The following EIF1AX variants were observed in gnomAD, a reference collection of about 807,000 sequenced individuals.
EIF1AX encodes eukaryotic translation initiation factor 1A X-linked.
Under a neutral mutation model 16.1 loss-of-function variants are expected in EIF1AX, and 1 was observed. That is an observed-to-expected ratio of 0.06 (90% CI 0.02 to 0.30). EIF1AX has a LOEUF of 0.30. EIF1AX is among the 10% of genes least tolerant of loss of function. EIF1AX has a pLI of 1.00. For missense variants in EIF1AX, 11 were observed against 109.1 expected (o/e 0.10, Z 4.00); for synonymous variants, 32 against 37.3 (o/e 0.86, Z 0.51).
intron 2 of EIF1AX, among the ~76,000 whole-genome samples, chrX:20,138,309 A>G (rs1320751961): frequency 9.1e-6 from 1 of 109,801 alleles, no homozygotes; most frequent in Non-Finnish European, 1.9e-5. Flanking sequence ...AGCCTAAAAA[A>G]ATTTTTAAAA....
intron 1 of EIF1AX, chrX:20,140,119 G>A (rs2067029558): frequency 8.9e-6 from 1 of 112,331 alleles, no homozygotes; most frequent in Admixed American, 9.4e-5. Flanking sequence ...GAAATTCCCA[G>A]AGAGGCTCTT....
chrX:20,128,782 T>C (rs1367369313), intron 6 of EIF1AX, among the ~76,000 whole-genome samples: 1 of 111,764 alleles, frequency 8.9e-6, no homozygotes, highest in East Asian at 2.8e-4. Flanking sequence ...CCATCCCTTT[T>C]CCAGCCAGCC....
intron 2 of EIF1AX, 140 bp from the exon 3 acceptor site, chrX:20,135,981 A>G: frequency 2.2e-6 from 1 of 458,611 alleles, no homozygotes; most frequent in Non-Finnish European, 3.9e-6. Context: ...AAACAAACAT[A>G]AGGGAGTGAT....
rs2066983253 is a variant in EIF1AX at position 20,125,707 on chromosome X, TATGGAAG to T, written c.*2592_*2598del. ...ATCAATAATGACAGCAGTTTATACC[TATGGAAG>T]ATGTTACTGAACATCATAATCTAAT... On this transcript the variant is annotated 3_prime_UTR_variant, in exon 7 of 7. Transcript: ENST00000379607. The T allele has an allele frequency of 1.2e-5, 2 of 160,845 alleles. No homozygotes were observed. Among genetic ancestry groups the T allele is most frequent in the Admixed American group, 1.6e-4 (2 of 12,175 alleles). 13.3% of individuals were successfully genotyped at this position (160,845 alleles called of 1,213,427 possible).
intron 1 of EIF1AX, among the ~76,000 whole-genome samples, chrX:20,139,167 T>C (rs766623632): frequency 2.7e-5 from 3 of 111,871 alleles, no homozygotes; most frequent in Non-Finnish European, 3.8e-5. Context: ...GAGGATCACT[T>C]GAGCAAGCCC....
intron 2 of EIF1AX, among the ~76,000 whole-genome samples, chrX:20,138,170 A>G (rs1428932064): frequency 9.3e-6 from 1 of 107,677 alleles, no homozygotes; most frequent in African/African-American, 3.4e-5. Flanking sequence ...ACACCCAGCT[A>G]ATTTTTGTAA....
intron 3 of EIF1AX, among the ~76,000 whole-genome samples, 155 bp from the exon 4 acceptor site, chrX:20,134,162 G>A (rs545772553): frequency 8.5e-4 from 95 of 112,237 alleles, no homozygotes; most frequent in African/African-American, 2.8e-3. Flanking sequence ...CAAGGTGGGC[G>A]GATCACCTGA....
intron 3 of EIF1AX, among the ~76,000 whole-genome samples, chrX:20,134,920 C>T (rs753592808): frequency 2.7e-5 from 3 of 111,598 alleles, no homozygotes; most frequent in African/African-American, 6.5e-5. Context: ...AGTCCATTCA[C>T]GATGACATTC....
At chrX:20,141,045 A>G (rs2067032396) in intron 1 of EIF1AX, among the ~76,000 whole-genome samples, 2 of 111,533 alleles carry the variant, frequency 1.8e-5, no homozygotes, top group African/African-American at 6.5e-5. Flanking sequence ...TCAGCAAACA[A>G]ACATAAGCTA....
Position 20,130,035 on chromosome X carries a change from C to T in EIF1AX, c.429+481G>A, listed in dbSNP as rs2066996398. 3.6e-5 allele frequency among the ~76,000 whole-genome samples: 4 copies of T among 111,137 alleles called. No individual in the cohort carries two copies. The South Asian group carries it at 1.5e-3, about 43-fold the overall frequency. On this transcript the variant is annotated intron_variant, in intron 6 of 6. Transcript: ENST00000379607. The stretch of plus-strand genomic sequence containing the variant: ...CTCAAAATAGGGCCGGGCATGGTGG[C>T]TCACGCCTGCAACCCCAGCACTTTG...
At chrX:20,138,090 C>T (rs1198431271) in intron 2 of EIF1AX, among the ~76,000 whole-genome samples, 5 of 99,791 alleles carry the variant, frequency 5.0e-5, no homozygotes, top group Non-Finnish European at 1.0e-4. Context: ...CTGCAACCTC[C>T]GCCTCCCAGG....
At chrX:20,130,485 A>C in intron 6 of EIF1AX, 31 bp downstream of exon 6, 1 of 1,157,306 alleles carries the variant, frequency 8.6e-7, no homozygotes, top group Non-Finnish European at 1.1e-6. Flanking sequence ...ATAATAACAA[A>C]AATTGGAAAA....
chrX:20,137,050 C>T (rs570393091), intron 2 of EIF1AX, among the ~76,000 whole-genome samples: 10 of 111,534 alleles, frequency 9.0e-5, no homozygotes, highest in South Asian at 3.7e-4. Context: ...TGATAATTCT[C>T]TTCTAGTTAT....
intron 2 of EIF1AX, among the ~76,000 whole-genome samples, chrX:20,137,778 T>C (rs1235885278): frequency 9.0e-6 from 1 of 111,142 alleles, no homozygotes; most frequent in African/African-American, 3.3e-5. Context: ...ATGTCCATGG[T>C]CTACTCAACA....
chrX:20,128,360 C>T, intron 6 of EIF1AX, 49 bp from the exon 7 acceptor site: 1 of 1,105,988 alleles, frequency 9.0e-7, no homozygotes, highest in Non-Finnish European at 1.2e-6. Flanking sequence ...TTCTTATATT[C>T]CAACAGTCTA....
At chrX:20,141,499 C>T in intron 1 of EIF1AX, 126 bp downstream of exon 1, 6 of 859,123 alleles carry the variant, frequency 7.0e-6, no homozygotes, top group Non-Finnish European at 9.6e-6. Flanking sequence ...GTGGGGCGCC[C>T]AGCCGCGGGC....
rs1171865554 is a variant in EIF1AX, at chrX:20,136,106, G to T, written c.101-265C>A. Reference sequence around the variant, plus strand: ...TGTAGAAAACTTCATAGTTACAAAGGTCAGTCGTAAAACCTTTACATCATT... The same window carrying T: ...TGTAGAAAACTTCATAGTTACAAAGTTCAGTCGTAAAACCTTTACATCATT... On this transcript the variant is annotated intron_variant, in intron 2 of 6. Coordinates refer to ENST00000379607, the MANE Select transcript of EIF1AX (RefSeq NM_001412.4). 3 of 303,660 alleles carry T rather than the reference G, an allele frequency of 9.9e-6. No homozygotes were observed. The South Asian group carries it at 1.3e-4, about 13-fold the overall frequency. The allele number at this position is 303,660 out of a possible 1,213,427, so 25.0% of individuals were successfully genotyped here.
intron 6 of EIF1AX, 45 bp downstream of exon 6, chrX:20,130,471 A>G (rs777719732): frequency 8.7e-7 from 1 of 1,146,098 alleles, no homozygotes; most frequent in Non-Finnish European, 1.2e-6. Flanking sequence ...TGGTTTCTCC[A>G]TGGATAATAA....
At chrX:20,131,397 C>G (rs890471459) in intron 5 of EIF1AX, among the ~76,000 whole-genome samples, 1 of 111,475 alleles carries the variant, frequency 9.0e-6, no homozygotes, top group African/African-American at 3.3e-5. Context: ...CTTTGGTAGG[C>G]AGAGGTGGGT....
Sources: gnomAD v4.1 joint callset for allele counts (sites outside exome capture counted in the v4.1 genomes callset) on GRCh38, gnomAD v4.1.1 for gene constraint, MANE v1.5 for transcripts, NCBI Gene and HGNC (gene_info 2026-07-23, HGNC 2026-07-21) for gene names.